Variants in ANAPC1 observed in about 807,000 individuals in gnomAD.
ANAPC1 encodes the protein anaphase promoting complex subunit 1.
In ANAPC1, 36 loss-of-function variants were observed where a neutral mutation model predicts 208.0. The observed-to-expected ratio is 0.17, with a 90% CI of 0.13 to 0.23. The LOEUF is 0.23. Ranked by LOEUF, ANAPC1 falls within the 10% of genes least tolerant of loss-of-function variation. ANAPC1 has a pLI of 1.00. For synonymous variants in ANAPC1, 378 were observed against 695.2 expected, an observed-to-expected ratio of 0.54 and a Z score of 7.18; for missense variants, 942 against 2,011.6, an observed-to-expected ratio of 0.47 and a Z score of 10.17.
At chr2:111,852,663 T>C (rs1195817957) in intron 13 of ANAPC1, among the ~76,000 whole-genome samples, 2 of 152,224 alleles carry the variant, frequency 1.3e-5, no homozygotes, top group African/African-American at 4.8e-5. Context: ...GCAAACCATG[T>C]TCCATGACCA....
chr2:111,849,592 C>T (rs1464327529), intron 14 of ANAPC1, among the ~76,000 whole-genome samples: 1 of 152,204 alleles, frequency 6.6e-6, no homozygotes, highest in Non-Finnish European at 1.5e-5. Context: ...ATCCAGGTAC[C>T]TTCCCAGGTC....
intron 10 of ANAPC1, among the ~76,000 whole-genome samples, chr2:111,861,272 C>T (rs1682049968): frequency 1.3e-5 from 2 of 152,162 alleles, no homozygotes; most frequent in African/African-American, 4.8e-5. Flanking sequence ...CATGGGGTTT[C>T]ACCATTTTGG....
At chr2:111,848,776 CA>C (rs373488904) in intron 14 of ANAPC1, among the ~76,000 whole-genome samples, 3,542 of 99,694 alleles carry the variant, frequency 0.036, 91 homozygotes, top group African/African-American at 0.11. Context: ...GACTCCATCT[CA>C]AAAAAAAAAA....
Position 111,850,864 on chromosome 2 carries a change from A to G in ANAPC1, c.1562T>C (p.Met521Thr). 4.3e-6 allele frequency: 7 copies of G among 1,611,200 alleles called. No individual in the cohort carries two copies. Among genetic ancestry groups the G allele is most frequent in the South Asian group, 1.1e-5 (1 of 90,666 alleles). The change falls in exon 14 of 48, where the codon ATG becomes ACG. Residue 521 changes from methionine to threonine, a missense_variant. By Grantham distance (81) the Met-to-Thr change is moderately conservative. Coordinates refer to ENST00000341068, the MANE Select transcript of ANAPC1 (RefSeq NM_022662.4). ...IPGLPAPSLT[M>T]SNTMPRPSTP... ...ACTGGGCCGAGGCATTGTGTTGGAC[A>G]TCGTCAGAGAGGGAGCTGGCAGTCC...
chr2:111,829,605 T>C (rs563396595), intron 21 of ANAPC1, among the ~76,000 whole-genome samples: 16 of 152,178 alleles, frequency 1.1e-4, no homozygotes, highest in Non-Finnish European at 2.1e-4. Context: ...TATATGAAGG[T>C]TTGATCTTGG....
In ANAPC1 at chr2:111,862,717, G is replaced by A; in HGVS notation, c.1053-119C>T. 8 of 1,366,764 alleles carry A rather than the reference G, an allele frequency of 5.9e-6. No individual in the cohort carries two copies. In the South Asian group the frequency reaches 1.0e-4, roughly 17 times the overall value. The allele number at this position is 1,366,764 out of a possible 1,614,324, so 84.7% of individuals were successfully genotyped here. A position where few individuals can be genotyped will look rare whatever the true frequency, so the allele number is the denominator to read the frequency against. On this transcript the variant is annotated intron_variant, in intron 9 of 47. Transcript: ENST00000341068. The stretch of plus-strand genomic sequence containing the variant: ...AGAAGAGCATTCATGGCATAATCCA[G>A]GTCAGAAATTAAAATTTTTCAAAAA...
At chr2:111,819,121 C>T (rs1194938789) in intron 26 of ANAPC1, 163 bp from the exon 27 acceptor site, 1 of 905,426 alleles carries the variant, frequency 1.1e-6, no homozygotes, top group Non-Finnish European at 1.3e-6. Context: ...TGATTATTTT[C>T]ATTTTAATAT....
chr2:111,825,351 T>A (rs1679776495), intron 22 of ANAPC1, among the ~76,000 whole-genome samples, 184 bp from the exon 23 acceptor site: 1 of 152,144 alleles, frequency 6.6e-6, no homozygotes, highest in Admixed American at 6.5e-5. Context: ...AGGGGATTGG[T>A]TAGGACACCC....
At chr2:111,850,380 A>T (rs1389357822) in intron 14 of ANAPC1, among the ~76,000 whole-genome samples, 1 of 152,208 alleles carries the variant, frequency 6.6e-6, no homozygotes, top group Non-Finnish European at 1.5e-5. Flanking sequence ...TCTCTCAGTG[A>T]GGCTTTGATT....
Position 111,871,631 on chromosome 2 carries a change from A to C in ANAPC1, c.611+999T>G, listed in dbSNP as rs575929896. ...GCCAGGCGTGGTGGTGCATGCCTGT[A>C]ATCCCAGTTACTCAGGAGGCTGAAG... is the stretch of plus-strand genomic sequence containing the variant. On this transcript the variant is annotated intron_variant, in intron 6 of 47. Coordinates refer to ENST00000341068, the MANE Select transcript of ANAPC1 (RefSeq NM_022662.4). Among the ~76,000 whole-genome samples the C allele has an allele frequency of 7.5e-4, 114 of 152,260 alleles. 3 individuals are homozygous for C. The Middle Eastern group carries it at 0.017, about 23-fold the overall frequency.
chr2:111,854,229 G>A (rs533072300), intron 13 of ANAPC1, among the ~76,000 whole-genome samples: 180 of 152,220 alleles, frequency 1.2e-3, no homozygotes, highest in Non-Finnish European at 2.3e-3. Context: ...GTCAATGAGC[G>A]GTAATATTTT....
rs1491167497 is a variant in ANAPC1, at chr2:111,852,199, C to CTA, written c.1516-1291_1516-1290dup. Among the ~76,000 whole-genome samples the CTA allele has an allele frequency of 4.0e-5, 6 of 150,072 alleles. No homozygotes were observed. The East Asian group carries it at 7.8e-4, about 19-fold the overall frequency. On this transcript the variant is annotated intron_variant, in intron 13 of 47. Coordinates refer to ENST00000341068, the MANE Select transcript of ANAPC1 (RefSeq NM_022662.4). ...AAACTGAATAAAATTTATAATGCAA[C>CTA]TAACAGAAGATTCTGAAAAAGTGAA...
At chr2:111,860,408 G>GT (rs112337567) in intron 10 of ANAPC1, among the ~76,000 whole-genome samples, 29,903 of 145,096 alleles carry the variant, frequency 0.21, 3,229 homozygotes, top group Middle Eastern at 0.32. Flanking sequence ...CTCTAATTTT[G>GT]TATCTTCATT....
chr2:111,882,128 G>A (rs1683330441), intron 1 of ANAPC1, among the ~76,000 whole-genome samples: 1 of 151,626 alleles, frequency 6.6e-6, no homozygotes, highest in Non-Finnish European at 1.5e-5. Flanking sequence ...AGGTTGCAGT[G>A]AGCCGAGATC....
chr2:111,804,420 T>G (rs1436608954), intron 30 of ANAPC1, among the ~76,000 whole-genome samples: 2 of 117,704 alleles, frequency 1.7e-5, no homozygotes, highest in African/African-American at 3.1e-5. Context: ...TGAAGCTGAT[T>G]AAGCAATACA....
intron 25 of ANAPC1, 176 bp from the exon 26 acceptor site, chr2:111,821,629 T>C (rs1679539157): frequency 1.7e-6 from 1 of 579,952 alleles, no homozygotes; most frequent in Admixed American, 3.0e-5. Context: ...CTACAAATCT[T>C]TCTAAAAAGT....
At chr2:111,836,408 G>A (rs113780127) in intron 18 of ANAPC1, among the ~76,000 whole-genome samples, 5,090 of 149,984 alleles carry the variant, frequency 0.034, 184 homozygotes, top group African/African-American at 0.085. Flanking sequence ...TGAGAGATAG[G>A]GGCAGGAGGA....
intron 6 of ANAPC1, among the ~76,000 whole-genome samples, chr2:111,870,023 T>A (rs1682653953): frequency 6.6e-6 from 1 of 152,230 alleles, no homozygotes; most frequent in South Asian, 2.1e-4. Flanking sequence ...TCCAGTTCCA[T>A]CCAGCTTGCT....
At chr2:111,826,672 T>A (rs1481570422) in intron 21 of ANAPC1, among the ~76,000 whole-genome samples, 2 of 147,062 alleles carry the variant, frequency 1.4e-5, no homozygotes, top group African/African-American at 5.0e-5. Flanking sequence ...TTTATTTTTT[T>A]TTTTTTTGAG....
Sources: gnomAD v4.1 joint callset for allele counts (sites outside exome capture counted in the v4.1 genomes callset) on GRCh38, gnomAD v4.1.1 for gene constraint, MANE v1.5 for transcripts, NCBI Gene and HGNC (gene_info 2026-07-23, HGNC 2026-07-21) for gene names.